Variants in CLEC14A observed in about 807,000 individuals in gnomAD.
The protein encoded by CLEC14A is C-type lectin domain containing 14A.
For missense variants in CLEC14A, 682 were observed against 659.9 expected (o/e 1.03, Z -0.37); for synonymous variants, 349 against 292.0 (o/e 1.20, Z -1.99).
chr14:38,254,497 G>A lies in CLEC14A; in HGVS notation c.*53C>T, dbSNP rs2139320451. ...ACAAGTAAGTTCCTCTTGGTTCCCC[G>A]TTTCATCAAAAGTGAAAAACTGTTC... On this transcript the variant is annotated 3_prime_UTR_variant, in exon 1 of 1. Transcript: ENST00000342213. 2 of 1,481,818 alleles carry A rather than the reference G, an allele frequency of 1.3e-6. No individual in the cohort carries two copies. Among genetic ancestry groups the A allele is most frequent in the East Asian group, 2.3e-5 (1 of 43,594 alleles). The allele number at this position is 1,481,818 out of a possible 1,614,324, so 91.8% of individuals were successfully genotyped here.
chr14:38,255,555 G>A lies in CLEC14A; in HGVS notation c.468C>T (p.Gly156=). 1 of 1,613,248 alleles carries A rather than the reference G, an allele frequency of 6.2e-7. No homozygotes were observed. Among genetic ancestry groups the A allele is most frequent in the Middle Eastern group, 1.6e-4 (1 of 6,062 alleles). The part of the protein sequence containing the change: ...LQATGGVEPA[G]WKEMRCHLRA... ...GCAGGTGGCATCGCATCTCCTTCCA[G>A]CCTGCGGGCTCGACCCCACCGGTGG... Residue 156 remains glycine, a synonymous_variant, in exon 1 of 1, where the codon GGC becomes GGT. Coordinates refer to ENST00000342213, the MANE Select transcript of CLEC14A (RefSeq NM_175060.3). The surrounding 1 kb of genome is among the most constrained non-coding windows in gnomAD (Gnocchi z 5.1).
Position 38,255,069 on chromosome 14 carries a change from T to G in CLEC14A, c.954A>C (p.Thr318=). ...GCTTCTCGTCGACCCTGATTGGCCA[T>G]GTTCTCTGCGGCACGGGGCTGGTTG... The part of the protein sequence containing the change: ...ATATSPVPQR[T]WPIRVDEKLG... The change falls in exon 1 of 1, where the codon ACA becomes ACC. Residue 318 remains threonine, a synonymous_variant. Transcript: ENST00000342213. The surrounding 1 kb of genome is among the most constrained non-coding windows in gnomAD (Gnocchi z 5.1). 1 of 1,612,932 alleles carries G rather than the reference T, an allele frequency of 6.2e-7. No individual in the cohort carries two copies. The highest frequency in any genetic ancestry group is 1.1e-5 in the South Asian group (1 of 91,082).
chr14:38,255,879 C>A lies in CLEC14A; in HGVS notation c.144G>T (p.Gln48His). The change falls in exon 1 of 1, where the codon CAG becomes CAT. Residue 48 changes from glutamine to histidine, a missense_variant. Transcript: ENST00000342213. The surrounding 1 kb of genome is among the most constrained non-coding windows in gnomAD (Gnocchi z 5.1). ...GCAGGATGCAGGCCTCCTCGGCCGC[C>A]TGCCGCTTCATGGTAGCGTGGTGCA... The part of the protein sequence containing the change: ...YSLHHATMKR[Q>H]AAEEACILRG... 6.4e-7 allele frequency: 1 copy of A among 1,562,074 alleles called. No homozygotes were observed. The highest frequency in any genetic ancestry group is 1.2e-5 in the South Asian group (1 of 86,024).
At position 38,255,749 on chromosome 14, in the gene CLEC14A, A is replaced by G; in HGVS notation, c.274T>C (p.Phe92Leu). 6.4e-7 allele frequency: 1 copy of G among 1,551,262 alleles called. No homozygotes were observed. Among genetic ancestry groups the G allele is most frequent in the Non-Finnish European group, 8.7e-7 (1 of 1,151,382 alleles). The part of the protein sequence containing the change: ...GPGGGSKDLL[F>L]WVALERRRSH... ...CGCCTGCGCTCCAGTGCGACCCAGAACAGCAGGTCTTTGGAGCCCCCTCCG... is the reference window on the plus strand; with the variant it reads ...CGCCTGCGCTCCAGTGCGACCCAGAGCAGCAGGTCTTTGGAGCCCCCTCCG... Residue 92 changes from phenylalanine to leucine, a missense_variant, in exon 1 of 1, where the codon TTC becomes CTC. By Grantham distance (22) the Phe-to-Leu change is conservative. Coordinates refer to ENST00000342213, the MANE Select transcript of CLEC14A (RefSeq NM_175060.3). The surrounding 1 kb of genome is among the most constrained non-coding windows in gnomAD (Gnocchi z 5.1).
Position 38,255,664 on chromosome 14 carries a change from G to A in CLEC14A, c.359C>T (p.Pro120Leu), listed in dbSNP as rs1256299000. Reference sequence around the variant, plus strand: ...CAGCGTGTCGCTTTCGAGACCGCCGGGGTCGGAGGACAGCCAGGAGAAACC... The same window carrying A: ...CAGCGTGTCGCTTTCGAGACCGCCGAGGTCGGAGGACAGCCAGGAGAAACC... The part of the protein sequence containing the change: ...LRGFSWLSSD[P>L]GGLESDTLQW... The change falls in exon 1 of 1, where the codon CCC (proline) becomes CTC (leucine). Residue 120 changes from proline (P) to leucine (L), a missense_variant. Physicochemically the swap from Pro to Leu is moderately conservative, Grantham distance 98 (BLOSUM62 -3). Transcript: ENST00000342213. This position sits in a 1 kb window ranked among gnomAD's most constrained non-coding sequence, Gnocchi z 5.1. 2 of 1,602,104 alleles carry A rather than the reference G, an allele frequency of 1.2e-6. No homozygotes were observed. The highest frequency in any genetic ancestry group is 1.3e-5 in the African/African-American group (1 of 74,936).
chr14:38,255,253 G>A lies in CLEC14A; in HGVS notation c.770C>T (p.Ala257Val). ...PGRYLRAGKCAELPNCLDDLG... is the reference protein window; with the variant it reads ...PGRYLRAGKCVELPNCLDDLG... ...GTCGTCTAGGCAGTTAGGGAGCTCT[G>A]CGCATTTGCCAGCACGGAGGTACCT... The change falls in exon 1 of 1, where the codon GCA (alanine) becomes GTA (valine). Residue 257 changes from alanine to valine, a missense_variant. By Grantham distance (64) the Ala-to-Val change is moderately conservative. Coordinates refer to ENST00000342213, the MANE Select transcript of CLEC14A (RefSeq NM_175060.3). The surrounding 1 kb of genome is among the most constrained non-coding windows in gnomAD (Gnocchi z 5.1). The A allele has an allele frequency of 6.2e-7, 1 of 1,613,868 alleles. No homozygotes were observed. Among genetic ancestry groups the A allele is most frequent in the South Asian group, 1.1e-5 (1 of 91,090 alleles).
Position 38,254,456 on chromosome 14 carries a change from A to G in CLEC14A, c.*94T>C. On this transcript the variant is annotated 3_prime_UTR_variant, in exon 1 of 1. Coordinates refer to ENST00000342213, the MANE Select transcript of CLEC14A (RefSeq NM_175060.3). ...AATTTAGAGGAAGGGGGATTTCTGC[A>G]GAAATTGTCAGTTACACAAGTAAGT... 2 of 1,237,056 alleles carry G rather than the reference A, an allele frequency of 1.6e-6. No homozygotes were observed. Among genetic ancestry groups the G allele is most frequent in the Non-Finnish European group, 2.3e-6 (2 of 886,802 alleles). 76.6% of individuals were successfully genotyped at this position (1,237,056 alleles called of 1,614,324 possible). A position where few individuals can be genotyped will look rare whatever the true frequency, so the allele number is the denominator to read the frequency against.
At position 38,254,607 on chromosome 14, in the gene CLEC14A, C is replaced by T. The variant is rs1372635334; in HGVS notation, c.1416G>A (p.Arg472=). 1.2e-6 allele frequency: 2 copies of T among 1,613,730 alleles called. No homozygotes were observed. The highest frequency in any genetic ancestry group is 1.7e-5 in the Admixed American group (1 of 59,970). Residue 472 remains arginine (R), a synonymous_variant, in exon 1 of 1, where the codon CGG becomes CGA. Transcript: ENST00000342213. ...NGVKVGDCDL[R]DRAEGALLAE... is the part of the protein sequence containing the mutation. ...CCAGCAAGGCACCCTCTGCTCTGTCCCGCAGATCACAGTCCCCGACTTTCA... is the reference window on the plus strand; with the variant it reads ...CCAGCAAGGCACCCTCTGCTCTGTCTCGCAGATCACAGTCCCCGACTTTCA...
rs1883999011 is a variant in CLEC14A, at chr14:38,254,496, C to A, written c.*54G>T. ...CACAAGTAAGTTCCTCTTGGTTCCC[C>A]GTTTCATCAAAAGTGAAAAACTGTT... On this transcript the variant is annotated 3_prime_UTR_variant, in exon 1 of 1. Transcript: ENST00000342213. The A allele has an allele frequency of 1.4e-6, 2 of 1,474,798 alleles. No individual in the cohort carries two copies. Among genetic ancestry groups the A allele is most frequent in the Admixed American group, 4.6e-5 (2 of 43,728 alleles). The allele number at this position is 1,474,798 out of a possible 1,614,324, so 91.4% of individuals were successfully genotyped here.
Position 38,255,777 on chromosome 14 carries a change from C to A in CLEC14A, c.246G>T (p.Gly82=). Residue 82 remains glycine, a synonymous_variant, in exon 1 of 1, where the codon GGG becomes GGT. Coordinates refer to ENST00000342213, the MANE Select transcript of CLEC14A (RefSeq NM_175060.3). The surrounding 1 kb of genome is among the most constrained non-coding windows in gnomAD (Gnocchi z 5.1). ...AVLALLRAGP[G]PGGGSKDLLF... is the part of the protein sequence containing the mutation. ...GCAGGTCTTTGGAGCCCCCTCCGGG[C>A]CCTGGGCCTGCCCGCAGGAGCGCGA... 1.9e-6 allele frequency: 3 copies of A among 1,544,206 alleles called. No individual in the cohort carries two copies. Among genetic ancestry groups the A allele is most frequent in the Non-Finnish European group, 2.6e-6 (3 of 1,148,758 alleles).
Position 38,255,795 on chromosome 14 carries a change from G to T in CLEC14A, c.228C>A (p.Leu76=). The T allele has an allele frequency of 1.3e-6, 2 of 1,541,662 alleles. No individual in the cohort carries two copies. Among genetic ancestry groups the T allele is most frequent in the Non-Finnish European group, 1.7e-6 (2 of 1,148,178 alleles). Residue 76 remains leucine (L), a synonymous_variant, in exon 1 of 1, where the codon CTC becomes CTA. Coordinates refer to ENST00000342213, the MANE Select transcript of CLEC14A (RefSeq NM_175060.3). This position sits in a 1 kb window ranked among gnomAD's most constrained non-coding sequence, Gnocchi z 5.1. ...AGAELRAVLA[L]LRAGPGPGGG... is the part of the protein sequence containing the mutation. The stretch of plus-strand genomic sequence containing the variant: ...CTCCGGGCCCTGGGCCTGCCCGCAG[G>T]AGCGCGAGCACAGCGCGCAGCTCGG...
chr14:38,254,735 AG>A lies in CLEC14A; in HGVS notation c.1287del (p.Ser430LeufsTer35), dbSNP rs34471237. The A allele has an allele frequency of 2.5e-6, 4 of 1,614,068 alleles. No individual in the cohort carries two copies. Among genetic ancestry groups the A allele is most frequent in the Non-Finnish European group, 3.4e-6 (4 of 1,179,994 alleles). On this transcript the variant is annotated frameshift_variant, in exon 1 of 1. Transcript: ENST00000342213. LOFTEE classifies it low-confidence loss of function (END_TRUNC). ...GLVKLCFHES[P>X]SSQPRKESMG... is the part of the protein sequence containing the mutation. ...ATAGACTCCTTCCTTGGCTGGGAAG[AG>A]GGGCTTTCGTGAAAGCAGAGCTTGA...
At position 38,255,656 on chromosome 14, in the gene CLEC14A, G is replaced by T. The variant is rs202130896; in HGVS notation, c.367C>A (p.Leu123Ile). 1.2e-6 allele frequency: 2 copies of T among 1,604,758 alleles called. No individual in the cohort carries two copies. The change falls in exon 1 of 1, where the codon CTC becomes ATC. Residue 123 changes from leucine to isoleucine, a missense_variant. Physicochemically the swap from Leu to Ile is conservative, Grantham distance 5. Transcript: ENST00000342213. The surrounding 1 kb of genome is among the most constrained non-coding windows in gnomAD (Gnocchi z 5.1). The part of the protein sequence containing the change: ...FSWLSSDPGG[L>I]ESDTLQWVEE... Reference sequence around the variant, plus strand: ...ACCCACTGCAGCGTGTCGCTTTCGAGACCGCCGGGGTCGGAGGACAGCCAG... The same window carrying T: ...ACCCACTGCAGCGTGTCGCTTTCGATACCGCCGGGGTCGGAGGACAGCCAG...
rs767944196 is a variant in CLEC14A at position 38,255,254 on chromosome 14, C to A, written c.769G>T (p.Ala257Ser). Reference sequence around the variant, plus strand: ...TCGTCTAGGCAGTTAGGGAGCTCTGCGCATTTGCCAGCACGGAGGTACCTC... The same window carrying A: ...TCGTCTAGGCAGTTAGGGAGCTCTGAGCATTTGCCAGCACGGAGGTACCTC... The part of the protein sequence containing the change: ...PGRYLRAGKC[A>S]ELPNCLDDLG... The change falls in exon 1 of 1, where the codon GCA becomes TCA. Residue 257 changes from alanine (A) to serine (S), a missense_variant. By Grantham distance (99) the Ala-to-Ser change is moderately conservative. Coordinates refer to ENST00000342213, the MANE Select transcript of CLEC14A (RefSeq NM_175060.3). The surrounding 1 kb of genome is among the most constrained non-coding windows in gnomAD (Gnocchi z 5.1). 8 of 1,613,732 alleles carry A rather than the reference C, an allele frequency of 5.0e-6. No homozygotes were observed. Among genetic ancestry groups the A allele is most frequent in the East Asian group, 4.5e-5 (2 of 44,876 alleles).
Position 38,256,044 on chromosome 14 carries a change from A to T in CLEC14A, c.-22T>A. ...TCATTCTCTGAGGCCCCGCACGCAGAGCTGCTCCCAACTTGGATCTGTCCC... is the reference window on the plus strand; with the variant it reads ...TCATTCTCTGAGGCCCCGCACGCAGTGCTGCTCCCAACTTGGATCTGTCCC... On this transcript the variant is annotated 5_prime_UTR_variant, in exon 1 of 1. Coordinates refer to ENST00000342213, the MANE Select transcript of CLEC14A (RefSeq NM_175060.3). The T allele has an allele frequency of 6.7e-7, 1 of 1,497,658 alleles. No individual in the cohort carries two copies. The highest frequency in any genetic ancestry group is 8.9e-7 in the Non-Finnish European group (1 of 1,124,440). 92.8% of individuals were successfully genotyped at this position (1,497,658 alleles called of 1,614,324 possible).
Position 38,254,973 on chromosome 14 carries a change from T to C in CLEC14A, c.1050A>G (p.Gly350=). ...GAAGGGTAGACATCGTGCTCTGTGA[T>C]CCCCATCGAGGAATCTCAGGAATAG... ...VTSIPEIPRW[G]SQSTMSTLQM... is the part of the protein sequence containing the mutation. The change falls in exon 1 of 1, where the codon GGA becomes GGG. Residue 350 remains glycine, a synonymous_variant. Coordinates refer to ENST00000342213, the MANE Select transcript of CLEC14A (RefSeq NM_175060.3). 1 of 1,614,104 alleles carries C rather than the reference T, an allele frequency of 6.2e-7. No homozygotes were observed. Among genetic ancestry groups the C allele is most frequent in the Non-Finnish European group, 8.5e-7 (1 of 1,180,016 alleles).
rs757600652 is a variant in CLEC14A, at chr14:38,255,576, G to A, written c.447C>T (p.Thr149=). ...TCCAGCCTGCGGGCTCGACCCCACC[G>A]GTGGCCTGGAGTACCGCGCATCTCC... is the stretch of plus-strand genomic sequence containing the variant. ...TARRCAVLQA[T]GGVEPAGWKE... is the part of the protein sequence containing the mutation. Residue 149 remains threonine, a synonymous_variant, in exon 1 of 1, where the codon ACC becomes ACT. Transcript: ENST00000342213. The surrounding 1 kb of genome is among the most constrained non-coding windows in gnomAD (Gnocchi z 5.1). 3.7e-6 allele frequency: 6 copies of A among 1,612,686 alleles called. No individual in the cohort carries two copies. The highest frequency in any genetic ancestry group is 3.3e-5 in the Admixed American group (2 of 59,984).
At position 38,255,541 on chromosome 14, in the gene CLEC14A, C is replaced by T; in HGVS notation, c.482G>A (p.Arg161Gln). 4 of 1,613,316 alleles carry T rather than the reference C, an allele frequency of 2.5e-6. No individual in the cohort carries two copies. Among genetic ancestry groups the T allele is most frequent in the Non-Finnish European group, 3.4e-6 (4 of 1,179,988 alleles). The stretch of plus-strand genomic sequence containing the variant: ...GTAGCCGTTGGCGCGCAGGTGGCAT[C>T]GCATCTCCTTCCAGCCTGCGGGCTC... Reference protein sequence around the residue: ...GVEPAGWKEMRCHLRANGYLC... With the variant: ...GVEPAGWKEMQCHLRANGYLC... Residue 161 changes from arginine (R) to glutamine (Q), a missense_variant, in exon 1 of 1, where the codon CGA becomes CAA. Coordinates refer to ENST00000342213, the MANE Select transcript of CLEC14A (RefSeq NM_175060.3). The surrounding 1 kb of genome is among the most constrained non-coding windows in gnomAD (Gnocchi z 5.1).
rs967413859 is a variant in CLEC14A, at chr14:38,255,750, C to T, written c.273G>A (p.Leu91=). 5 of 1,551,070 alleles carry T rather than the reference C, an allele frequency of 3.2e-6. No homozygotes were observed. The African/African-American group carries it at 6.8e-5, about 21-fold the overall frequency. The change falls in exon 1 of 1, where the codon CTG becomes CTA. Residue 91 remains leucine (L), a synonymous_variant. Coordinates refer to ENST00000342213, the MANE Select transcript of CLEC14A (RefSeq NM_175060.3). The surrounding 1 kb of genome is among the most constrained non-coding windows in gnomAD (Gnocchi z 5.1). ...PGPGGGSKDL[L]FWVALERRRS... ...GCCTGCGCTCCAGTGCGACCCAGAA[C>T]AGCAGGTCTTTGGAGCCCCCTCCGG...
Sources: gnomAD v4.1 joint callset for allele counts on GRCh38, gnomAD v4.1.1 for gene constraint, Gnocchi (gnomAD v3.1) non-coding constraint, MANE v1.5 for transcripts, NCBI Gene and HGNC (gene_info 2026-07-23, HGNC 2026-07-21) for gene names.